The following ARHGAP15 variants were observed in gnomAD, a reference collection of about 807,000 sequenced individuals.
ARHGAP15 encodes the protein rho GTPase-activating protein 15.
A neutral mutation model predicts 63.7 loss-of-function variants in ARHGAP15; 51 were observed. The ratio of observed to expected loss-of-function variants is 0.80; its 90% CI spans 0.64 to 1.01. The LOEUF (loss-of-function observed/expected upper bound fraction) is 1.01, where lower values mean the gene tolerates loss of function less well. Ranked by LOEUF, ARHGAP15 falls within the 50% of genes least tolerant of loss-of-function variation. ARHGAP15 has a pLI of 0.00. For missense variants in ARHGAP15, 560 were observed against 564.6 expected (o/e 0.99, Z 0.08); for synonymous variants, 191 against 193.8 (o/e 0.99, Z 0.12).
At chr2:143,368,691 G>T (rs1432023874) in intron 6 of ARHGAP15, among the ~76,000 whole-genome samples, 1 of 152,098 alleles carries the variant, frequency 6.6e-6, no homozygotes, top group East Asian at 1.9e-4. Context: ...TCATTAAAAG[G>T]TTCAGTCAAG....
chr2:143,157,125 C>G (rs1690112600), intron 2 of ARHGAP15, among the ~76,000 whole-genome samples: 2 of 151,912 alleles, frequency 1.3e-5, no homozygotes, highest in Admixed American at 6.6e-5. Flanking sequence ...TGATCCATCT[C>G]TCAATGAATT....
chr2:143,357,189 T>C (rs1386776699), intron 6 of ARHGAP15, among the ~76,000 whole-genome samples: 4 of 152,170 alleles, frequency 2.6e-5, no homozygotes, highest in Admixed American at 1.3e-4. Flanking sequence ...TTTTAGATTG[T>C]TTTCTGTGTG....
At chr2:143,456,492 C>A (rs1259049576) in intron 8 of ARHGAP15, among the ~76,000 whole-genome samples, 2 of 151,788 alleles carry the variant, frequency 1.3e-5, no homozygotes, top group African/African-American at 4.8e-5. Context: ...GAAAGCATTT[C>A]CCTTCCAAAA....
chr2:143,670,515 G>T (rs950042204), intron 12 of ARHGAP15, among the ~76,000 whole-genome samples: 2 of 152,166 alleles, frequency 1.3e-5, no homozygotes, highest in Non-Finnish European at 2.9e-5. Context: ...CATACCCCAT[G>T]TTCCAGAGTG....
intron 10 of ARHGAP15, among the ~76,000 whole-genome samples, chr2:143,548,662 AC>A (rs1481756106): frequency 6.6e-6 from 1 of 152,108 alleles, no homozygotes; most frequent in Non-Finnish European, 1.5e-5. Context: ...GAAATTAAAT[AC>A]ATTTTTTTCA....
At chr2:143,529,960 G>A (rs1468905837) in intron 10 of ARHGAP15, among the ~76,000 whole-genome samples, 2 of 151,958 alleles carry the variant, frequency 1.3e-5, no homozygotes, top group Non-Finnish European at 2.9e-5. Flanking sequence ...GGATCACCCC[G>A]TCCCCACAGT....
intron 10 of ARHGAP15, among the ~76,000 whole-genome samples, chr2:143,526,443 G>A (rs1333565521): frequency 6.6e-6 from 1 of 152,122 alleles, no homozygotes; most frequent in East Asian, 1.9e-4. Context: ...CTTGGAGTCA[G>A]TTGGAAGGAA....
Position 143,487,435 on chromosome 2 carries a change from A to C in ARHGAP15, c.766A>C (p.Lys256Gln), listed in dbSNP as rs753245152. 8.7e-6 allele frequency: 14 copies of C among 1,613,914 alleles called. No individual in the cohort carries two copies. In the South Asian group the frequency reaches 1.5e-4, roughly 18 times the overall value. The change falls in exon 9 of 14, where the codon AAG becomes CAG. Residue 256 changes from lysine (K) to glutamine (Q), a missense_variant. Lys to Gln is a moderately conservative substitution (Grantham distance 53, BLOSUM62 1). Coordinates refer to ENST00000295095, the MANE Select transcript of ARHGAP15 (RefSeq NM_018460.4). ...SDKNRVKSRL[K>Q]KFITRRPSLK... ...CAAAAATCGAGTTAAAAGCAGATTA[A>C]AGAAGTTTATTACCCGAAGACCTTC...
intron 8 of ARHGAP15, among the ~76,000 whole-genome samples, chr2:143,438,729 C>T (rs1464919889): frequency 6.6e-6 from 1 of 152,050 alleles, no homozygotes; most frequent in Admixed American, 6.6e-5. Context: ...TCATTGTCTT[C>T]TTTTACTTCA....
intron 10 of ARHGAP15, among the ~76,000 whole-genome samples, chr2:143,537,527 C>G (rs1694836350): frequency 6.6e-6 from 1 of 152,176 alleles, no homozygotes; most frequent in Admixed American, 6.5e-5. Flanking sequence ...ACATGTAAGT[C>G]TTTAATACAT....
intron 13 of ARHGAP15, among the ~76,000 whole-genome samples, chr2:143,728,182 T>C (rs995826344): frequency 6.6e-6 from 1 of 152,228 alleles, no homozygotes; most frequent in African/African-American, 2.4e-5. Context: ...GTCTCTCCCC[T>C]TGGCTTGCAC....
intron 9 of ARHGAP15, among the ~76,000 whole-genome samples, chr2:143,493,311 G>A (rs1171233890): frequency 6.6e-6 from 1 of 151,918 alleles, no homozygotes; most frequent in East Asian, 1.9e-4. Context: ...GGACTAAATG[G>A]TGAAAAAAAC....
At chr2:143,715,302 C>T (rs1267739121) in intron 13 of ARHGAP15, among the ~76,000 whole-genome samples, 1 of 152,152 alleles carries the variant, frequency 6.6e-6, no homozygotes, top group East Asian at 1.9e-4. Flanking sequence ...CAATTACCTC[C>T]CACTGGGTTC....
At chr2:143,666,508 G>C (rs957406843) in intron 12 of ARHGAP15, among the ~76,000 whole-genome samples, 56 of 147,544 alleles carry the variant, frequency 3.8e-4, no homozygotes, top group African/African-American at 1.3e-3. Flanking sequence ...CATAGGCATG[G>C]GCAAGGACTT....
intron 2 of ARHGAP15, among the ~76,000 whole-genome samples, chr2:143,171,111 C>T (rs910749073): frequency 6.6e-6 from 1 of 152,042 alleles, no homozygotes; most frequent in Non-Finnish European, 1.5e-5. Flanking sequence ...ACCTCATAGT[C>T]ATAAAGCTAA....
chr2:143,505,207 C>T (rs1393401575), intron 9 of ARHGAP15, among the ~76,000 whole-genome samples: 3 of 152,184 alleles, frequency 2.0e-5, no homozygotes, highest in Non-Finnish European at 2.9e-5. Context: ...TGGTGGCGAA[C>T]ATCATTCTGC....
At chr2:143,332,044 TAATG>T (rs1281008365) in intron 6 of ARHGAP15, among the ~76,000 whole-genome samples, 2 of 152,164 alleles carry the variant, frequency 1.3e-5, no homozygotes, top group African/African-American at 4.8e-5. Flanking sequence ...TAGAAAATAA[TAATG>T]CAGATGTTTG....
chr2:143,365,760 T>A (rs1183655483), intron 6 of ARHGAP15, among the ~76,000 whole-genome samples: 1 of 152,174 alleles, frequency 6.6e-6, no homozygotes, highest in Non-Finnish European at 1.5e-5. Flanking sequence ...ATAGCAATAA[T>A]CATACCCACC....
At chr2:143,221,469 AT>A (rs1227339834) in intron 4 of ARHGAP15, among the ~76,000 whole-genome samples, 2 of 152,168 alleles carry the variant, frequency 1.3e-5, no homozygotes, top group Non-Finnish European at 2.9e-5. Flanking sequence ...ATTCACTTTA[AT>A]TTTTAATTGT....
Sources: gnomAD v4.1 joint callset for allele counts (sites outside exome capture counted in the v4.1 genomes callset) on GRCh38, gnomAD v4.1.1 for gene constraint, MANE v1.5 for transcripts, NCBI Gene and HGNC (gene_info 2026-07-23, HGNC 2026-07-21) for gene names.